NR6A1: variants seen among roughly 807,000 people sequenced by gnomAD.
NR6A1 encodes the protein retinoic acid receptor-related testis-associated receptor.
NR6A1 carries 7 observed loss-of-function variants against 59.1 expected under a neutral mutation model. The observed-to-expected ratio is 0.12, with a 90% confidence interval of 0.07 to 0.22. NR6A1 has a LOEUF of 0.22. Ranked by LOEUF, NR6A1 falls within the 10% of genes least tolerant of loss-of-function variation. NR6A1 has a pLI of 1.00. For missense variants in NR6A1, 468 were observed against 611.6 expected (o/e 0.77, Z 2.48); for synonymous variants, 243 against 236.1 (o/e 1.03, Z -0.27).
intron 2 of NR6A1, among the ~76,000 whole-genome samples, chr9:124,676,838 G>C (rs916665074): frequency 6.6e-6 from 1 of 152,196 alleles, no homozygotes; most frequent in Non-Finnish European, 1.5e-5. Flanking sequence ...CAAGTCCTCA[G>C]TAAGTACTAG....
chr9:124,650,418 G>A (rs561651762), intron 2 of NR6A1, among the ~76,000 whole-genome samples: 1 of 152,132 alleles, frequency 6.6e-6, no homozygotes, highest in Non-Finnish European at 1.5e-5. Context: ...ATAGAATGGT[G>A]ATCACCAGAG....
chr9:124,637,800 G>A (rs886998196), intron 2 of NR6A1, among the ~76,000 whole-genome samples: 3 of 145,966 alleles, frequency 2.1e-5, no homozygotes, highest in Admixed American at 7.2e-5. Context: ...GCTGAGGCAC[G>A]ATAATTGCTT....
At chr9:124,635,345 A>G (rs533222199) in intron 2 of NR6A1, among the ~76,000 whole-genome samples, 12 of 152,304 alleles carry the variant, frequency 7.9e-5, no homozygotes, top group African/African-American at 2.9e-4. Flanking sequence ...GACCAGGTAG[A>G]GATAACTGCA....
chr9:124,702,485 T>TA (rs1838991326), intron 2 of NR6A1, among the ~76,000 whole-genome samples: 1 of 152,132 alleles, frequency 6.6e-6, no homozygotes, highest in African/African-American at 2.4e-5. Flanking sequence ...TTATCACTGA[T>TA]ACAGTTTGGA....
intron 2 of NR6A1, among the ~76,000 whole-genome samples, chr9:124,667,435 T>C (rs1042383489): frequency 6.6e-6 from 1 of 152,140 alleles, no homozygotes; most frequent in African/African-American, 2.4e-5. Flanking sequence ...AAATACGTGC[T>C]ACAGGTGTTA....
At chr9:124,658,005 G>A (rs1418177956) in intron 2 of NR6A1, among the ~76,000 whole-genome samples, 1 of 152,120 alleles carries the variant, frequency 6.6e-6, no homozygotes, top group African/African-American at 2.4e-5. Flanking sequence ...TATGAAGCTT[G>A]GTTAGGATCA....
At chr9:124,710,232 A>G (rs1257666352) in intron 2 of NR6A1, among the ~76,000 whole-genome samples, 1 of 152,208 alleles carries the variant, frequency 6.6e-6, no homozygotes, top group African/African-American at 2.4e-5. Context: ...CTTCTCGATG[A>G]CATAGAACTT....
At chr9:124,532,320 A>C (rs1206999368) in intron 7 of NR6A1, among the ~76,000 whole-genome samples, 1 of 152,166 alleles carries the variant, frequency 6.6e-6, no homozygotes, top group African/African-American at 2.4e-5. Flanking sequence ...TCCCACTTCA[A>C]GGTGCAGCTC....
At chr9:124,552,833 T>G (rs1024247733) in intron 3 of NR6A1, among the ~76,000 whole-genome samples, 13 of 152,220 alleles carry the variant, frequency 8.5e-5, no homozygotes, top group African/African-American at 3.1e-4. Context: ...TTTATCTAAA[T>G]GCACTTCCAC....
rs761623312 is a variant in NR6A1 at position 124,536,105 on chromosome 9, A to G, written c.852T>C (p.Phe284=). ...DGYAVTQAEL[F]ALLCRLADEL... is the part of the protein sequence containing the mutation. ...CGTCGGCCAGGCGGCAAAGCAGGGC[A>G]AATAGTTCTGCCTGTGTCACAGCGT... Residue 284 remains phenylalanine, a synonymous_variant, in exon 7 of 10, where the codon TTT becomes TTC. Coordinates refer to ENST00000487099, the MANE Select transcript of NR6A1 (RefSeq NM_033334.4). The G allele has an allele frequency of 1.2e-6, 2 of 1,613,972 alleles. No individual in the cohort carries two copies. Among genetic ancestry groups the G allele is most frequent in the South Asian group, 2.2e-5 (2 of 91,070 alleles).
At chr9:124,554,252 A>G in intron 3 of NR6A1, 76 bp downstream of exon 3, 1 of 1,601,866 alleles carries the variant, frequency 6.2e-7, no homozygotes, top group Non-Finnish European at 8.5e-7. Context: ...CTTGAGGAAT[A>G]AGTAACTAAA....
intron 2 of NR6A1, among the ~76,000 whole-genome samples, chr9:124,709,496 C>A (rs560715996): frequency 1.3e-5 from 2 of 152,160 alleles, no homozygotes; most frequent in South Asian, 4.2e-4. Flanking sequence ...CGAGGAGTAT[C>A]AGTCTAAAGA....
At chr9:124,582,437 G>GA (rs1425443742) in intron 2 of NR6A1, among the ~76,000 whole-genome samples, 4 of 152,158 alleles carry the variant, frequency 2.6e-5, no homozygotes, top group Non-Finnish European at 4.4e-5. Context: ...TGGGAGGAGG[G>GA]AGAGGATCAG....
intron 1 of NR6A1, among the ~76,000 whole-genome samples, chr9:124,741,121 A>G (rs1451157789): frequency 1.3e-5 from 2 of 151,882 alleles, no homozygotes; most frequent in Non-Finnish European, 2.9e-5. Context: ...CACTAGCTAC[A>G]TGTGGCCAAT....
intron 2 of NR6A1, among the ~76,000 whole-genome samples, chr9:124,573,045 G>A (rs574122031): frequency 6.6e-6 from 1 of 152,304 alleles, no homozygotes; most frequent in South Asian, 2.1e-4. Flanking sequence ...GTATTAAGCT[G>A]AAACTTTTAT....
intron 2 of NR6A1, among the ~76,000 whole-genome samples, chr9:124,555,312 C>A (rs1833891894): frequency 6.6e-6 from 1 of 152,118 alleles, no homozygotes; most frequent in Admixed American, 6.5e-5. Flanking sequence ...AGGCACACGA[C>A]AAAAAAGCAC....
At chr9:124,559,819 T>C (rs1588666391) in intron 2 of NR6A1, among the ~76,000 whole-genome samples, 1 of 152,266 alleles carries the variant, frequency 6.6e-6, no homozygotes, top group East Asian at 1.9e-4. Flanking sequence ...CCAACTGTGA[T>C]TTTTTTCCTT....
chr9:124,614,049 G>A (rs534588728), intron 2 of NR6A1, among the ~76,000 whole-genome samples: 4 of 152,126 alleles, frequency 2.6e-5, no homozygotes, highest in Non-Finnish European at 5.9e-5. Context: ...AATACCCACC[G>A]AAGCCCTGAG....
intron 2 of NR6A1, among the ~76,000 whole-genome samples, chr9:124,663,695 A>G (rs1338367752): frequency 1.3e-5 from 2 of 152,226 alleles, no homozygotes; most frequent in African/African-American, 4.8e-5. Flanking sequence ...AGGCTGGTTC[A>G]TAGCACAGGC....
Sources: gnomAD v4.1 joint callset for allele counts (sites outside exome capture counted in the v4.1 genomes callset) on GRCh38, gnomAD v4.1.1 for gene constraint, MANE v1.5 for transcripts, NCBI Gene and HGNC (gene_info 2026-07-23, HGNC 2026-07-21) for gene names.